The following SLC2A9 variants were observed in gnomAD, a reference collection of about 807,000 sequenced individuals.
SLC2A9 encodes the protein solute carrier family 2 member 9.
SLC2A9 carries 39 observed loss-of-function variants against 50.6 expected under a neutral mutation model. The observed-to-expected ratio is 0.77, with a 90% CI of 0.60 to 1.01. The LOEUF (loss-of-function observed/expected upper bound fraction) is 1.01. Among genes scored for constraint, SLC2A9 ranks in the 50% least tolerant of loss-of-function variants. SLC2A9 has a pLI of 0.00. For synonymous variants in SLC2A9, 324 were observed against 276.9 expected, an observed-to-expected ratio of 1.17 and a Z score of -1.69; for missense variants, 686 against 677.6, an observed-to-expected ratio of 1.01 and a Z score of -0.14.
chr4:10,023,391 C>T (rs746004521), upstream of SLC2A9, among the ~76,000 whole-genome samples: 1 of 152,344 alleles, frequency 6.6e-6, no homozygotes, highest in East Asian at 1.9e-4. Context: ...ATTTACCCCT[C>T]CTCATCCCAT....
chr4:9,931,140 T>G (rs1461258853), intron 6 of SLC2A9, among the ~76,000 whole-genome samples: 1 of 152,182 alleles, frequency 6.6e-6, no homozygotes, highest in Non-Finnish European at 1.5e-5. Context: ...TCAGAGGAGT[T>G]CATTCTCTTC....
At chr4:9,799,696 C>CT (rs1721098164) in intron 3 of SLC2A9, among the ~76,000 whole-genome samples, 4 of 64,256 alleles carry the variant, frequency 6.2e-5, no homozygotes, top group East Asian at 3.9e-4. Context: ...AATTGTACCC[C>CT]CCCCCCACCC....
At chr4:9,929,781 C>T (rs1159409672) in intron 6 of SLC2A9, among the ~76,000 whole-genome samples, 2 of 99,994 alleles carry the variant, frequency 2.0e-5, no homozygotes, top group Non-Finnish European at 4.8e-5. Context: ...GCTCAGCCAG[C>T]TGGGGCTGCT....
At chr4:10,002,021 G>A (rs904141876) in intron 2 of SLC2A9, among the ~76,000 whole-genome samples, 3 of 152,202 alleles carry the variant, frequency 2.0e-5, no homozygotes, top group Non-Finnish European at 4.4e-5. Context: ...TAAGACATGG[G>A]GCTGAGGAGG....
intron 6 of SLC2A9, chr4:9,922,666 T>C (rs1744158986): frequency 1.3e-5 from 2 of 152,156 alleles, no homozygotes; most frequent in African/African-American, 4.8e-5. Flanking sequence ...TTCTCCTGAG[T>C]TTCTCCAGAG....
chr4:9,944,392 A>G (rs1389606747), intron 5 of SLC2A9, among the ~76,000 whole-genome samples: 1 of 152,216 alleles, frequency 6.6e-6, no homozygotes, highest in African/African-American at 2.4e-5. Flanking sequence ...TATGTTTCAC[A>G]TTGCATGACT....
intron 4 of SLC2A9, among the ~76,000 whole-genome samples, chr4:9,981,811 G>A (rs1755928943): frequency 6.6e-6 from 1 of 152,124 alleles, no homozygotes; most frequent in African/African-American, 2.4e-5. Context: ...GGGAGAACCT[G>A]GCTGGATTAG....
intron 10 of SLC2A9, among the ~76,000 whole-genome samples, chr4:9,863,936 C>A (rs1732044747): frequency 6.6e-6 from 1 of 152,084 alleles, no homozygotes; most frequent in Admixed American, 6.5e-5. Context: ...GATGCTGTTG[C>A]AGAAATCAAA....
chr4:9,984,031 GT>G (rs1001677388), intron 4 of SLC2A9, among the ~76,000 whole-genome samples: 1 of 152,136 alleles, frequency 6.6e-6, no homozygotes, highest in African/African-American at 2.4e-5. Flanking sequence ...AACACAGTTG[GT>G]CAGTTATAAA....
At chr4:9,935,561 C>A (rs906783897) in intron 6 of SLC2A9, among the ~76,000 whole-genome samples, 2 of 152,180 alleles carry the variant, frequency 1.3e-5, no homozygotes, top group Non-Finnish European at 2.9e-5. Context: ...AAACACAGCC[C>A]AGAGAGGTGT....
chr4:9,917,568 T>C (rs1217976092), intron 7 of SLC2A9, among the ~76,000 whole-genome samples: 1 of 152,038 alleles, frequency 6.6e-6, no homozygotes, highest in Non-Finnish European at 1.5e-5. Flanking sequence ...TGACCTCAGG[T>C]GATCCGCCTG....
intron 8 of SLC2A9, among the ~76,000 whole-genome samples, chr4:9,905,164 G>T (rs1277382362): frequency 6.6e-6 from 1 of 152,242 alleles, no homozygotes; most frequent in Non-Finnish European, 1.5e-5. Flanking sequence ...TGGAATGGAT[G>T]AATGCATGCC....
At chr4:9,931,950 CTCTCTCTCTCTCTATATA>C (rs1396607906) in intron 6 of SLC2A9, among the ~76,000 whole-genome samples, 39 of 58,638 alleles carry the variant, frequency 6.7e-4, no homozygotes, top group East Asian at 4.9e-3. Context: ...CTCTCTCTCT[CTCTCTCTCTCTCTATATA>C]TATATATATA....
At chr4:9,811,987 C>T (rs1340356569) in intron 3 of SLC2A9, among the ~76,000 whole-genome samples, 1 of 152,002 alleles carries the variant, frequency 6.6e-6, no homozygotes, top group Non-Finnish European at 1.5e-5. Context: ...GTACATTAGC[C>T]TTACAAGACT....
At chr4:9,786,045 G>T (rs1314076159) in intron 3 of SLC2A9, among the ~76,000 whole-genome samples, 1 of 152,226 alleles carries the variant, frequency 6.6e-6, no homozygotes, top group African/African-American at 2.4e-5. Context: ...AAGTGCAAAG[G>T]CTTGGAAATG....
intron 11 of SLC2A9, among the ~76,000 whole-genome samples, chr4:9,829,471 CAAA>C (rs33935471): frequency 2.2e-5 from 3 of 135,920 alleles, no homozygotes; most frequent in Non-Finnish European, 3.1e-5. Flanking sequence ...ACAAAAATGT[CAAA>C]AAAAAAAAAA....
intron 3 of SLC2A9, among the ~76,000 whole-genome samples, chr4:9,791,929 A>G (rs1224238704): frequency 6.6e-6 from 1 of 152,212 alleles, no homozygotes; most frequent in Non-Finnish European, 1.5e-5. Context: ...GCAATAGATA[A>G]CTAATATAGA....
chr4:9,985,742 C>A lies in SLC2A9; in HGVS notation c.462G>T (p.Leu154=). 6.2e-7 allele frequency: 1 copy of A among 1,614,020 alleles called. No individual in the cohort carries two copies. The highest frequency in any genetic ancestry group is 8.5e-7 in the Non-Finnish European group (1 of 1,179,872). ...CTCCTGCCTGGAGCGAGCAGGCCAT[C>A]AGCAATGCAGCAGAAATTGCAAACC... ...NNGFAISAAL[L]MACSLQAGAF... Residue 154 remains leucine, a synonymous_variant, in exon 4 of 12, where the codon CTG becomes CTT. Coordinates refer to ENST00000264784, the MANE Select transcript of SLC2A9 (RefSeq NM_020041.3).
intron 5 of SLC2A9, among the ~76,000 whole-genome samples, chr4:9,963,715 C>A (rs74561401): frequency 0.014 from 2,178 of 152,246 alleles, 58 homozygotes; most frequent in African/African-American, 0.049. Context: ...GAGGAAGAAA[C>A]AGCAAAGGCA....
Sources: allele counts gnomAD v4.1 joint callset (sites outside exome capture counted in the v4.1 genomes callset), GRCh38; gene constraint gnomAD v4.1.1; transcripts MANE v1.5; gene names NCBI Gene and HGNC (gene_info 2026-07-23, HGNC 2026-07-21).